TJP1: variants seen among roughly 807,000 people sequenced by gnomAD.
The protein encoded by TJP1 is tight junction protein ZO-1.
A neutral mutation model predicts 194.2 loss-of-function variants in TJP1; 43 were observed. The observed-to-expected ratio is 0.22, with a 90% CI of 0.17 to 0.29. The LOEUF is 0.29. Among genes scored for constraint, TJP1 ranks in the 10% least tolerant of loss-of-function variants. TJP1 has a pLI of 1.00. For missense variants in TJP1, 1,971 were observed against 2,185.7 expected (o/e 0.90, Z 1.96); for synonymous variants, 801 against 779.0 (o/e 1.03, Z -0.47).
intron 2 of TJP1, among the ~76,000 whole-genome samples, chr15:29,797,289 A>G (rs957494488): frequency 1.4e-4 from 21 of 152,274 alleles, no homozygotes; most frequent in African/African-American, 5.1e-4. Context: ...AGCTGGGACT[A>G]CAGGCACATG....
chr15:29,803,755 C>A (rs902689960), intron 1 of TJP1, among the ~76,000 whole-genome samples: 1 of 152,024 alleles, frequency 6.6e-6, no homozygotes, highest in Non-Finnish European at 1.5e-5. Flanking sequence ...TTGCTTTGTA[C>A]AAGGGAGAAG....
chr15:29,752,328 C>T (rs950527746), intron 8 of TJP1, among the ~76,000 whole-genome samples: 1 of 152,136 alleles, frequency 6.6e-6, no homozygotes, highest in Non-Finnish European at 1.5e-5. Context: ...GTCTTGAACT[C>T]CTGACCTCAA....
Position 29,845,629 on chromosome 15 carries a change from C to T in TJP1, c.307-44927G>A, listed in dbSNP as rs931386894. On this transcript the variant is annotated intron_variant, in intron 2 of 28. Coordinates refer to the TJP1 transcript ENST00000356107. ...GACCATCTGGCCAACATGGTGAAAC[C>T]CCATCTCTACTGAAAAAAAACAAAA... Among the ~76,000 whole-genome samples, 4 of 152,086 alleles carry T rather than the reference C, an allele frequency of 2.6e-5. No individual in the cohort carries two copies. In the South Asian group the frequency reaches 8.3e-4, roughly 32 times the overall value.
chr15:29,856,783 C>T (rs1466906267), intron 2 of TJP1, among the ~76,000 whole-genome samples: 2 of 151,532 alleles, frequency 1.3e-5, no homozygotes, highest in African/African-American at 4.9e-5. Flanking sequence ...ACCATCCTGG[C>T]TAACACGGTG....
intron 2 of TJP1, among the ~76,000 whole-genome samples, chr15:29,926,585 C>T (rs1003013582): frequency 6.7e-6 from 1 of 149,640 alleles, no homozygotes; most frequent in East Asian, 2.0e-4. Context: ...GCACTCCAGC[C>T]TGGGTAACAA....
chr15:29,881,115 G>T (rs1381068781), intron 2 of TJP1, among the ~76,000 whole-genome samples: 3 of 151,980 alleles, frequency 2.0e-5, no homozygotes, highest in Admixed American at 6.6e-5. Context: ...GTCTTTTGTG[G>T]TTTTTTTCAT....
intron 2 of TJP1, among the ~76,000 whole-genome samples, chr15:29,882,823 T>C (rs2052986021): frequency 6.6e-6 from 1 of 152,152 alleles, no homozygotes; most frequent in Non-Finnish European, 1.5e-5. Context: ...AGAAAAAGAT[T>C]TGGCCCAAGA....
chr15:29,778,319 G>A (rs2047144752), intron 2 of TJP1, among the ~76,000 whole-genome samples: 1 of 151,728 alleles, frequency 6.6e-6, no homozygotes, highest in Non-Finnish European at 1.5e-5. Flanking sequence ...TGGAGAAGAG[G>A]AGTTGGTGGA....
chr15:29,739,539 G>GT (rs1264376552), intron 10 of TJP1, among the ~76,000 whole-genome samples: 2 of 152,050 alleles, frequency 1.3e-5, no homozygotes, highest in Admixed American at 6.5e-5. Flanking sequence ...CACCTCCTGG[G>GT]TTCATGCCAT....
At chr15:29,941,315 T>C (rs62014517) in intron 2 of TJP1, among the ~76,000 whole-genome samples, 46,506 of 151,914 alleles carry the variant, frequency 0.31, 7,498 homozygotes, top group Non-Finnish European at 0.36. Flanking sequence ...TGACTGCCTA[T>C]GCACTGGTGA....
intron 5 of TJP1, among the ~76,000 whole-genome samples, chr15:29,765,474 G>A (rs2046275303): frequency 6.6e-6 from 1 of 152,098 alleles, no homozygotes; most frequent in African/African-American, 2.4e-5. Context: ...TGAGGCATGA[G>A]GGAAAGCAGC....
chr15:29,935,388 C>T (rs547743608), intron 2 of TJP1, among the ~76,000 whole-genome samples: 1 of 152,312 alleles, frequency 6.6e-6, no homozygotes, highest in Non-Finnish European at 1.5e-5. Context: ...CATTGCCAGG[C>T]ATTTTCTTAA....
In TJP1 at chr15:29,799,214, G is replaced by A. The variant is rs1036667483; in HGVS notation, c.84+1432C>T. On this transcript the variant is annotated intron_variant, in intron 2 of 27. Transcript: ENST00000614355. ...AAAAAAATACCAAATCATTGACATC[G>A]CCACTAGTCATAAGGTAAGAAGTTA... Among the ~76,000 whole-genome samples the A allele has an allele frequency of 6.6e-5, 10 of 151,778 alleles. No homozygotes were observed. The East Asian group carries it at 1.2e-3, about 18-fold the overall frequency.
chr15:29,900,766 T>A (rs1213946197), intron 2 of TJP1, among the ~76,000 whole-genome samples: 1 of 152,236 alleles, frequency 6.6e-6, no homozygotes, highest in Non-Finnish European at 1.5e-5. Flanking sequence ...CAAACTCTAT[T>A]GAATTTCTAC....
intron 2 of TJP1, among the ~76,000 whole-genome samples, chr15:29,924,559 G>C (rs1266663872): frequency 6.6e-6 from 1 of 152,168 alleles, no homozygotes; most frequent in African/African-American, 2.4e-5. Flanking sequence ...TATATAATGT[G>C]ATCCCTTTTA....
At chr15:29,752,247 C>T (rs761834438) in intron 8 of TJP1, among the ~76,000 whole-genome samples, 2 of 151,990 alleles carry the variant, frequency 1.3e-5, no homozygotes, top group Non-Finnish European at 2.9e-5. Context: ...GGATTATAGG[C>T]ACACGCCACC....
chr15:29,938,890 G>C (rs2054972502), intron 2 of TJP1, among the ~76,000 whole-genome samples: 1 of 152,222 alleles, frequency 6.6e-6, no homozygotes, highest in Admixed American at 6.5e-5. Flanking sequence ...ACGCTAGAAA[G>C]CCCTGCCCCC....
intron 2 of TJP1, among the ~76,000 whole-genome samples, chr15:29,898,385 C>T (rs1188348131): frequency 6.6e-6 from 1 of 152,124 alleles, no homozygotes; most frequent in Non-Finnish European, 1.5e-5. Flanking sequence ...CCTAAATTGC[C>T]CAGTCTTGGA....
intron 8 of TJP1, among the ~76,000 whole-genome samples, chr15:29,760,851 G>A (rs2045957204): frequency 6.6e-6 from 1 of 152,140 alleles, no homozygotes; most frequent in African/African-American, 2.4e-5. Flanking sequence ...AAAGTTTTAT[G>A]GGAACATAGT....
Sources: allele counts gnomAD v4.1 joint callset (sites outside exome capture counted in the v4.1 genomes callset), GRCh38; gene constraint gnomAD v4.1.1; transcripts MANE v1.5; gene names NCBI Gene and HGNC (gene_info 2026-07-23, HGNC 2026-07-21).